Variants in CADM2 observed in about 807,000 individuals in gnomAD.
CADM2 encodes the protein cell adhesion molecule 2.
A neutral mutation model predicts 49.8 loss-of-function variants in CADM2; 12 were observed. The observed-to-expected ratio is 0.24, with a 90% CI of 0.15 to 0.39. The LOEUF (loss-of-function observed/expected upper bound fraction) is 0.39. Among genes scored for constraint, CADM2 ranks in the 10% least tolerant of loss-of-function variants. The pLI is 1.00. For missense variants in CADM2, 378 were observed against 492.3 expected (o/e 0.77, Z 2.20); for synonymous variants, 214 against 175.4 (o/e 1.22, Z -1.74).
intron 1 of CADM2, among the ~76,000 whole-genome samples, chr3:85,160,167 T>C (rs1251350671): frequency 6.6e-6 from 1 of 152,182 alleles, no homozygotes; most frequent in East Asian, 1.9e-4. Context: ...TTCTATGCCT[T>C]TCTAAATGAG....
chr3:85,062,563 A>G (rs1576142351), intron 1 of CADM2, among the ~76,000 whole-genome samples: 1 of 152,088 alleles, frequency 6.6e-6, no homozygotes, highest in East Asian at 1.9e-4. Context: ...ATAATTTTTA[A>G]AATTTTTATT....
intron 1 of CADM2, among the ~76,000 whole-genome samples, chr3:85,498,983 G>A (rs2040011559): frequency 6.6e-6 from 1 of 152,074 alleles, no homozygotes; most frequent in African/African-American, 2.4e-5. Flanking sequence ...TTAAAAACCT[G>A]AGGTGTTTTC....
chr3:85,872,851 T>C (rs886785134), intron 3 of CADM2, among the ~76,000 whole-genome samples: 5 of 152,150 alleles, frequency 3.3e-5, no homozygotes, highest in Non-Finnish European at 7.4e-5. Context: ...GTTTTTACAC[T>C]TCTTTTTTGT....
At chr3:85,122,455 GCT>G (rs1248550535) in intron 1 of CADM2, among the ~76,000 whole-genome samples, 1 of 151,872 alleles carries the variant, frequency 6.6e-6, no homozygotes, top group Non-Finnish European at 1.5e-5. Flanking sequence ...TCATTTGTGG[GCT>G]CTTACTCTCC....
chr3:85,424,992 G>A (rs2036335622), intron 1 of CADM2, among the ~76,000 whole-genome samples: 1 of 152,026 alleles, frequency 6.6e-6, no homozygotes, highest in South Asian at 2.1e-4. Context: ...CTCAAGGATA[G>A]CATTGCCAAA....
intron 1 of CADM2, among the ~76,000 whole-genome samples, chr3:85,584,485 A>T (rs549805066): frequency 6.6e-6 from 1 of 152,216 alleles, no homozygotes; most frequent in South Asian, 2.1e-4. Context: ...TTGTTTATAA[A>T]TATATGTTAT....
At chr3:85,297,252 A>G (rs537373551) in intron 1 of CADM2, among the ~76,000 whole-genome samples, 14 of 152,220 alleles carry the variant, frequency 9.2e-5, no homozygotes, top group African/African-American at 3.1e-4. Context: ...ATACCAAAAC[A>G]GAAACCAAGA....
At chr3:85,016,151 A>T (rs540663428) in intron 1 of CADM2, among the ~76,000 whole-genome samples, 1 of 152,328 alleles carries the variant, frequency 6.6e-6, no homozygotes, top group South Asian at 2.1e-4. Context: ...GTCCAGAAGA[A>T]TATAAAGTAA....
At chr3:85,607,939 G>A (rs12635683) in intron 1 of CADM2, among the ~76,000 whole-genome samples, 31,437 of 151,838 alleles carry the variant, frequency 0.21, 3,636 homozygotes, top group South Asian at 0.28. Flanking sequence ...ACAGGTGTGA[G>A]CCACCACGCC....
chr3:85,536,792 A>T (rs1387422745), intron 1 of CADM2, among the ~76,000 whole-genome samples: 1 of 151,960 alleles, frequency 6.6e-6, no homozygotes, highest in Non-Finnish European at 1.5e-5. Flanking sequence ...GAATATTATT[A>T]ATGACTTTAG....
intron 2 of CADM2, among the ~76,000 whole-genome samples, chr3:85,740,530 CGTCT>C (rs1365148739): frequency 6.6e-6 from 1 of 151,822 alleles, no homozygotes; most frequent in Non-Finnish European, 1.5e-5. Context: ...TTATTTGCAC[CGTCT>C]GTCTTGTTTA....
At chr3:85,756,222 G>A (rs2107881957) in intron 2 of CADM2, among the ~76,000 whole-genome samples, 1 of 152,142 alleles carries the variant, frequency 6.6e-6, no homozygotes, top group African/African-American at 2.4e-5. Flanking sequence ...TGTCTGGAAA[G>A]TTCAGGGTGA....
intron 1 of CADM2, among the ~76,000 whole-genome samples, chr3:85,567,027 T>C (rs879896468): frequency 3.9e-5 from 6 of 152,144 alleles, no homozygotes; most frequent in Admixed American, 3.3e-4. Context: ...TATGTACACC[T>C]TTTTTAGTCA....
chr3:85,744,018 T>C (rs941435737), intron 2 of CADM2, among the ~76,000 whole-genome samples: 8 of 152,038 alleles, frequency 5.3e-5, no homozygotes, highest in African/African-American at 1.9e-4. Flanking sequence ...GAGCATATAC[T>C]CCAGAGGGGG....
At chr3:85,294,537 C>G (rs979353947) in intron 1 of CADM2, among the ~76,000 whole-genome samples, 3 of 152,076 alleles carry the variant, frequency 2.0e-5, no homozygotes, top group Admixed American at 6.6e-5. Context: ...TGACTTCAAA[C>G]TATACTACAA....
intron 1 of CADM2, among the ~76,000 whole-genome samples, chr3:85,155,549 A>G (rs2040081642): frequency 6.6e-6 from 1 of 152,126 alleles, no homozygotes; most frequent in South Asian, 2.1e-4. Flanking sequence ...AAAGTCAACA[A>G]GGATACCCAG....
Position 85,802,137 on chromosome 3 carries a change from A to G in CADM2, c.179A>G (p.Asn60Ser). 1 of 1,613,408 alleles carries G rather than the reference A, an allele frequency of 6.2e-7. No individual in the cohort carries two copies. The highest frequency in any genetic ancestry group is 8.5e-7 in the Non-Finnish European group (1 of 1,179,630). The change falls in exon 3 of 10, where the codon AAC becomes AGC. Residue 60 changes from asparagine (N) to serine (S), a missense_variant. Physicochemically the swap from Asn to Ser is conservative, Grantham distance 46 (BLOSUM62 1). Transcript: ENST00000383699. ...ACCTGCAGGGTTGATCAAAATGATA[A>G]CACCTCCCTCCAGTGGTCAAATCCA... is the stretch of plus-strand genomic sequence containing the variant. ...ILTCRVDQND[N>S]TSLQWSNPAQ...
intron 1 of CADM2, among the ~76,000 whole-genome samples, chr3:85,027,282 C>CT (rs535540393): frequency 7.9e-5 from 12 of 151,258 alleles, no homozygotes; most frequent in Non-Finnish European, 1.5e-4. Context: ...GCCCGGCTAA[C>CT]TTTTTGTATT....
chr3:85,564,323 C>G (rs2326320), intron 1 of CADM2, among the ~76,000 whole-genome samples: 2 of 151,814 alleles, frequency 1.3e-5, no homozygotes, highest in East Asian at 3.9e-4. Flanking sequence ...TCTCATAAAA[C>G]AGCTGGACTT....
Sources: allele counts gnomAD v4.1 joint callset (sites outside exome capture counted in the v4.1 genomes callset), GRCh38; gene constraint gnomAD v4.1.1; transcripts MANE v1.5; gene names NCBI Gene and HGNC (gene_info 2026-07-23, HGNC 2026-07-21).